Variants in PHF2 observed in about 807,000 individuals in gnomAD.
PHF2 encodes lysine-specific demethylase PHF2.
A neutral mutation model predicts 120.5 loss-of-function variants in PHF2; 27 were observed. That is an observed-to-expected ratio of 0.22 (90% confidence interval 0.17 to 0.31). The LOEUF (loss-of-function observed/expected upper bound fraction) is 0.31. PHF2 is among the 10% of genes least tolerant of loss of function. The pLI is 1.00. For synonymous variants in PHF2, 568 were observed against 592.5 expected (o/e 0.96, Z 0.60); for missense variants, 1,024 against 1,434.8 (o/e 0.71, Z 4.63).
At chr9:93,623,909 T>C (rs1278932780) in intron 1 of PHF2, among the ~76,000 whole-genome samples, 3 of 152,248 alleles carry the variant, frequency 2.0e-5, no homozygotes, top group African/African-American at 7.2e-5. Context: ...CCTGGTGGCC[T>C]TGCAGGGTTA....
chr9:93,667,337 C>T, intron 17 of PHF2, 97 bp downstream of exon 17: 1 of 1,425,194 alleles, frequency 7.0e-7, no homozygotes. Context: ...GGCAGACGCA[C>T]AGCTGGAGCC....
rs765230123 is a variant in PHF2 at position 93,649,888 on chromosome 9, G to A, written c.602+676G>A. On this transcript the variant is annotated intron_variant, in intron 5 of 21. Coordinates refer to ENST00000359246, the MANE Select transcript of PHF2 (RefSeq NM_005392.4). Reference sequence around the variant, plus strand: ...CATGGACACACTTGTCAACACACTCGTGACACAACACACCAACACTCATAG... The same window carrying A: ...CATGGACACACTTGTCAACACACTCATGACACAACACACCAACACTCATAG... 2.7e-5 allele frequency among the ~76,000 whole-genome samples: 4 copies of A among 150,656 alleles called. No homozygotes were observed. In the South Asian group the frequency reaches 6.4e-4, roughly 24 times the overall value.
rs371146916 is a variant in PHF2 at position 93,653,726 on chromosome 9, G to A, written c.789+361G>A. On this transcript the variant is annotated intron_variant, in intron 6 of 21. Transcript: ENST00000359246. ...CGCACAGGAGCCAGGGGGCAGGAGA[G>A]GGGCATCTGAGTGGGCAGGGAAGGC... Among the ~76,000 whole-genome samples, 6 of 152,238 alleles carry A rather than the reference G, an allele frequency of 3.9e-5. No individual in the cohort carries two copies. The East Asian group carries it at 1.2e-3, about 29-fold the overall frequency.
intron 1 of PHF2, among the ~76,000 whole-genome samples, chr9:93,602,943 A>G (rs1398148107): frequency 6.6e-6 from 1 of 152,016 alleles, no homozygotes; most frequent in Non-Finnish European, 1.5e-5. Flanking sequence ...AGCCCTACCC[A>G]GGGGTCTCAG....
chr9:93,672,092 GTGGAT>G (rs1826807277), intron 17 of PHF2, among the ~76,000 whole-genome samples: 2 of 132,124 alleles, frequency 1.5e-5, no homozygotes, highest in East Asian at 2.6e-4. Flanking sequence ...AGGTGTGGGT[GTGGAT>G]GTAGGTACAG....
At chr9:93,655,823 G>A (rs532240791) in intron 7 of PHF2, 111 bp from the exon 8 acceptor site, 2 of 727,720 alleles carry the variant, frequency 2.7e-6, no homozygotes, top group Non-Finnish European at 4.7e-6. Context: ...TGGAGCCTGG[G>A]CTGGGCCGGG....
At chr9:93,665,604 C>T (rs1826660921) in intron 14 of PHF2, 82 bp from the exon 15 acceptor site, 3 of 1,475,740 alleles carry the variant, frequency 2.0e-6, no homozygotes, top group African/African-American at 2.8e-5. Context: ...GCGGCCCTGG[C>T]AGAGGACCCC....
rs1826522216 is a variant in PHF2 at position 93,659,561 on chromosome 9, G to C, written c.1290G>C (p.Gln430His). ...TCCCGGAGCACTTCAAACCTTCACA[G>C]CTAATCAAAGACCTGGCCAAAGAGA... is the stretch of plus-strand genomic sequence containing the variant. ...DELPEHFKPS[Q>H]LIKDLAKEIR... The change falls in exon 11 of 22, where the codon CAG becomes CAC. Residue 430 changes from glutamine to histidine, a missense_variant. Transcript: ENST00000359246. 1 of 1,614,022 alleles carries C rather than the reference G, an allele frequency of 6.2e-7. No individual in the cohort carries two copies. The highest frequency in any genetic ancestry group is 1.3e-5 in the African/African-American group (1 of 74,950).
chr9:93,647,205 T>C (rs896750592), intron 4 of PHF2, among the ~76,000 whole-genome samples: 16 of 152,184 alleles, frequency 1.1e-4, no homozygotes, highest in Non-Finnish European at 2.2e-4. Context: ...TAACAGCTAA[T>C]ATATAGTGAG....
At chr9:93,619,740 C>T (rs1293552383) in intron 1 of PHF2, among the ~76,000 whole-genome samples, 6 of 152,332 alleles carry the variant, frequency 3.9e-5, no homozygotes, top group East Asian at 1.9e-4. Flanking sequence ...GTTTGCACTT[C>T]GGCCAACAAG....
rs190388744 is a variant in PHF2, at chr9:93,665,025, A to G, written c.1938-661A>G. On this transcript the variant is annotated intron_variant, in intron 14 of 21. Transcript: ENST00000359246. ...TGTCCCTGCTACTATATAGAGAGAA[A>G]CCTGTCCTCAAACCCCTGGGAAGGC... Among the ~76,000 whole-genome samples, 612 of 152,318 alleles carry G rather than the reference A, an allele frequency of 4.0e-3. 6 individuals are homozygous for G. The highest frequency in any genetic ancestry group is 0.014 in the African/African-American group (573 of 41,570).
intron 3 of PHF2, among the ~76,000 whole-genome samples, chr9:93,638,751 C>T (rs1276150275): frequency 1.3e-5 from 2 of 152,190 alleles, no homozygotes; most frequent in Non-Finnish European, 2.9e-5. Flanking sequence ...CGGAGTCTCA[C>T]TCTGTCACCC....
chr9:93,613,615 A>G (rs1825674626), intron 1 of PHF2, among the ~76,000 whole-genome samples: 1 of 147,616 alleles, frequency 6.8e-6, no homozygotes, highest in South Asian at 2.1e-4. Context: ...ACTGGAGTGC[A>G]GTAGAGCAAT....
chr9:93,644,390 A>T (rs575533155), intron 3 of PHF2, among the ~76,000 whole-genome samples: 161 of 150,992 alleles, frequency 1.1e-3, no homozygotes, highest in African/African-American at 3.4e-3. Flanking sequence ...TCCATCTCAA[A>T]AAAAAAAAAA....
At chr9:93,600,375 G>A (rs569349816) in intron 1 of PHF2, among the ~76,000 whole-genome samples, 6 of 152,288 alleles carry the variant, frequency 3.9e-5, no homozygotes, top group African/African-American at 7.2e-5. Context: ...CCAGAGCTGC[G>A]TCTTTGTGAT....
rs560595941 is a variant in PHF2 at position 93,653,027 on chromosome 9, C to T, written c.603-152C>T. On this transcript the variant is annotated intron_variant, in intron 5 of 21. Transcript: ENST00000359246. Reference sequence around the variant, plus strand: ...TGGGCTCATTCCGTCCTCTGTGATCCTGTTTGCTCCTCTGTGAAATGGGAG... The same window carrying T: ...TGGGCTCATTCCGTCCTCTGTGATCTTGTTTGCTCCTCTGTGAAATGGGAG... 4.3e-5 allele frequency: 29 copies of T among 673,952 alleles called. No individual in the cohort carries two copies. In the Admixed American group the frequency reaches 6.9e-4, roughly 16 times the overall value. 41.7% of individuals were successfully genotyped at this position (673,952 alleles called of 1,614,324 possible).
chr9:93,647,779 C>T (rs965544236), intron 4 of PHF2, among the ~76,000 whole-genome samples: 2 of 152,038 alleles, frequency 1.3e-5, no homozygotes, highest in Admixed American at 1.3e-4. Context: ...GTCCCAGCTC[C>T]TCGGGAGGCT....
chr9:93,615,166 A>T (rs891785782), intron 1 of PHF2, among the ~76,000 whole-genome samples: 1 of 66,012 alleles, frequency 1.5e-5, no homozygotes, highest in African/African-American at 4.1e-5. Flanking sequence ...GATGATGGTG[A>T]TGGTGATAGT....
At chr9:93,662,442 AATGG>A (rs1476564855) in intron 12 of PHF2, among the ~76,000 whole-genome samples, 3 of 147,820 alleles carry the variant, frequency 2.0e-5, no homozygotes, top group African/African-American at 5.0e-5. Context: ...TGGATGGATA[AATGG>A]ATGGGTAGAT....
Sources: allele counts gnomAD v4.1 joint callset (sites outside exome capture counted in the v4.1 genomes callset), GRCh38; gene constraint gnomAD v4.1.1; transcripts MANE v1.5; gene names NCBI Gene and HGNC (gene_info 2026-07-23, HGNC 2026-07-21).